The following RNF212B variants were observed in gnomAD, a reference collection of about 807,000 sequenced individuals.
RNF212B encodes ring finger protein 212B, also known as E3 ubiquitin-protein ligase RNF212B.
In RNF212B, 52 loss-of-function variants were observed where a neutral mutation model predicts 55.5. The ratio of observed to expected loss-of-function variants is 0.94; its 90% confidence interval spans 0.75 to 1.18. RNF212B has a LOEUF of 1.18. Among genes scored for constraint, RNF212B ranks in the 50% most tolerant of loss-of-function variants. The pLI, the probability that RNF212B is intolerant of heterozygous loss-of-function variation, is 0.00. For synonymous variants in RNF212B, 99 were observed against 121.4 expected (o/e 0.82, Z 1.21); for missense variants, 289 against 350.4 (o/e 0.82, Z 1.40).
upstream of RNF212B, among the ~76,000 whole-genome samples, chr14:23,236,832 C>T (rs1883137620): frequency 6.6e-6 from 1 of 151,134 alleles, no homozygotes; most frequent in South Asian, 2.1e-4. Flanking sequence ...GCCTTTATAC[C>T]TGAACACAAT....
chr14:23,263,517 C>T (rs962782503), intron 9 of RNF212B, among the ~76,000 whole-genome samples: 9 of 152,094 alleles, frequency 5.9e-5, no homozygotes, highest in African/African-American at 2.4e-5. Flanking sequence ...ACAGATGTCT[C>T]GGCTTAAGGG....
At chr14:23,232,277 C>CGCCTCT (rs1339357200) in intron 2 of RNF212B, among the ~76,000 whole-genome samples, 1 of 146,102 alleles carries the variant, frequency 6.8e-6, no homozygotes, top group Non-Finnish European at 1.5e-5. Flanking sequence ...ATGTGAGGAG[C>CGCCTCT]GCCTCTGCCC....
chr14:23,188,295 G>A (rs1210239597), intron 1 of RNF212B: 1 of 152,172 alleles, frequency 6.6e-6, no homozygotes, highest in Non-Finnish European at 1.5e-5. Context: ...CACTGCCTGT[G>A]GCAGGCCAGA....
At chr14:23,210,794 AAG>A (rs1203839929) in intron 2 of RNF212B, among the ~76,000 whole-genome samples, 2 of 150,818 alleles carry the variant, frequency 1.3e-5, no homozygotes, top group Non-Finnish European at 3.0e-5. Flanking sequence ...AAAAAAAAAA[AAG>A]AAATGTAGGA....
intron 11 of RNF212B, among the ~76,000 whole-genome samples, chr14:23,264,890 C>T (rs1012917429): frequency 4.2e-4 from 63 of 150,048 alleles, no homozygotes; most frequent in African/African-American, 1.5e-3. Context: ...GGCATGATCT[C>T]GGCTCACCAC....
Position 23,263,886 on chromosome 14 carries a change from G to A in RNF212B, c.525-288G>A, listed in dbSNP as rs568878772. Among the ~76,000 whole-genome samples, 50 of 152,232 alleles carry A rather than the reference G, an allele frequency of 3.3e-4. No homozygotes were observed. The South Asian group carries it at 3.9e-3, about 12-fold the overall frequency. ...GTGGATCATTTGAGGTCAGGAGTTC[G>A]AGACCAGTGTGGCCAACATGGTGAA... On this transcript the variant is annotated intron_variant, in intron 9 of 14. Coordinates refer to ENST00000430154, the MANE Select transcript of RNF212B (RefSeq NM_001282322.3).
chr14:23,193,622 G>A (rs550014851), intron 2 of RNF212B, among the ~76,000 whole-genome samples: 6 of 152,180 alleles, frequency 3.9e-5, no homozygotes, highest in African/African-American at 1.4e-4. Flanking sequence ...AAGAACTAGC[G>A]ATAGTGACAC....
chr14:23,199,758 T>C (rs1879099483), intron 2 of RNF212B, among the ~76,000 whole-genome samples: 1 of 152,154 alleles, frequency 6.6e-6, no homozygotes, highest in African/African-American at 2.4e-5. Flanking sequence ...AAAATCTATA[T>C]AGGCCACATT....
intron 4 of RNF212B, among the ~76,000 whole-genome samples, chr14:23,253,288 A>T (rs147393179): frequency 6.6e-6 from 1 of 152,218 alleles, no homozygotes; most frequent in Non-Finnish European, 1.5e-5. Flanking sequence ...TTTTGAATTG[A>T]GTTTCAATAA....
At chr14:23,218,224 C>T (rs907925899) in intron 2 of RNF212B, among the ~76,000 whole-genome samples, 8 of 151,532 alleles carry the variant, frequency 5.3e-5, no homozygotes, top group Admixed American at 1.3e-4. Flanking sequence ...AAAAATTAGC[C>T]GGGCGTGGTG....
At chr14:23,196,216 T>G (rs571080078) in intron 2 of RNF212B, among the ~76,000 whole-genome samples, 1 of 152,180 alleles carries the variant, frequency 6.6e-6, no homozygotes, top group Non-Finnish European at 1.5e-5. Flanking sequence ...GCCGAAAAAT[T>G]TCTTTCTGAT....
intron 2 of RNF212B, among the ~76,000 whole-genome samples, chr14:23,193,999 G>A (rs1267811075): frequency 2.0e-5 from 3 of 152,042 alleles, no homozygotes; most frequent in Non-Finnish European, 2.9e-5. Context: ...CTGCCGCTAC[G>A]CCTGGCTAAT....
At chr14:23,236,171 T>C (rs1169892230), upstream of RNF212B, among the ~76,000 whole-genome samples, 1 of 152,212 alleles carries the variant, frequency 6.6e-6, no homozygotes, top group African/African-American at 2.4e-5. Flanking sequence ...ATGCCACTCT[T>C]CTCACTAAAT....
intron 2 of RNF212B, among the ~76,000 whole-genome samples, chr14:23,196,402 C>T (rs1015625384): frequency 6.6e-6 from 1 of 152,172 alleles, no homozygotes; most frequent in African/African-American, 2.4e-5. Context: ...CACCAACCTC[C>T]TTTCAGTCCT....
At chr14:23,187,058 G>C (rs1420251313) in intron 1 of RNF212B, among the ~76,000 whole-genome samples, 2 of 152,022 alleles carry the variant, frequency 1.3e-5, no homozygotes, top group African/African-American at 2.4e-5. Context: ...CACCCCCTTC[G>C]CACAGTCCTC....
intron 2 of RNF212B, among the ~76,000 whole-genome samples, chr14:23,204,495 T>G (rs1335603360): frequency 1.3e-5 from 2 of 152,152 alleles, no homozygotes; most frequent in African/African-American, 2.4e-5. Context: ...TTTCCCCACT[T>G]TATGTTTTTG....
At chr14:23,230,579 G>A (rs1033007299) in intron 2 of RNF212B, among the ~76,000 whole-genome samples, 67 of 145,212 alleles carry the variant, frequency 4.6e-4, no homozygotes, top group African/African-American at 1.1e-3. Flanking sequence ...GCGTGAACCC[G>A]GGAGGCGGAG....
At chr14:23,224,901 C>G (rs1021946004) in intron 2 of RNF212B, among the ~76,000 whole-genome samples, 1 of 152,090 alleles carries the variant, frequency 6.6e-6, no homozygotes, top group Non-Finnish European at 1.5e-5. Context: ...TCAAACAACT[C>G]TATGGGAAAA....
At chr14:23,260,598 A>C in intron 6 of RNF212B, 61 bp from the exon 7 acceptor site, 2 of 1,462,020 alleles carry the variant, frequency 1.4e-6, no homozygotes, top group South Asian at 1.2e-5. Context: ...GTAAGACTGA[A>C]GATCTGTTGA....
Sources: gnomAD v4.1 joint callset for allele counts (sites outside exome capture counted in the v4.1 genomes callset) on GRCh38, gnomAD v4.1.1 for gene constraint, MANE v1.5 for transcripts, NCBI Gene and HGNC (gene_info 2026-07-23, HGNC 2026-07-21) for gene names.